Variants in RANBP3L observed in about 807,000 individuals in gnomAD.
RANBP3L encodes the protein ran-binding protein 3-like.
In RANBP3L, 56 loss-of-function variants were observed where a neutral mutation model predicts 67.2. The ratio of observed to expected loss-of-function variants is 0.83; its 90% CI spans 0.67 to 1.04. RANBP3L has a LOEUF of 1.04. RANBP3L is among the 50% of genes least tolerant of loss of function. The probability of loss-of-function intolerance (pLI) is 0.00; values close to 1 mark genes in which losing one functional copy is unlikely to be tolerated. For synonymous variants in RANBP3L, 164 were observed against 181.4 expected, an observed-to-expected ratio of 0.90 and a Z score of 0.77; for missense variants, 496 against 535.5, an observed-to-expected ratio of 0.93 and a Z score of 0.73.
At chr5:36,290,161 A>C (rs1231744362) in intron 1 of RANBP3L, among the ~76,000 whole-genome samples, 1 of 150,500 alleles carries the variant, frequency 6.6e-6, no homozygotes, top group East Asian at 1.9e-4. Context: ...AATCCTTTTA[A>C]TATCTGTAAT....
At chr5:36,292,233 T>A (rs1391361766) in intron 1 of RANBP3L, among the ~76,000 whole-genome samples, 1 of 152,136 alleles carries the variant, frequency 6.6e-6, no homozygotes, top group Non-Finnish European at 1.5e-5. Context: ...CTTCACCCAC[T>A]TTTTGATGGG....
intron 1 of RANBP3L, among the ~76,000 whole-genome samples, chr5:36,299,359 G>GTT (rs1752461221): frequency 6.8e-6 from 1 of 147,274 alleles, no homozygotes; most frequent in Non-Finnish European, 1.5e-5. Context: ...GTGTGTGTGT[G>GTT]TGTGTGTATA....
At chr5:36,297,115 T>C (rs1409021224) in intron 1 of RANBP3L, among the ~76,000 whole-genome samples, 1 of 152,154 alleles carries the variant, frequency 6.6e-6, no homozygotes, top group Non-Finnish European at 1.5e-5. Context: ...AGAATCCTTA[T>C]CAATAACATA....
chr5:36,260,727 A>C (rs1168687601), intron 8 of RANBP3L, 53 bp downstream of exon 8: 3 of 741,338 alleles, frequency 4.0e-6, no homozygotes, highest in Non-Finnish European at 6.7e-6. Context: ...ACCTTTAGAA[A>C]TTTAAAGTGA....
At position 36,249,007 on chromosome 5, in the gene RANBP3L, TATTA is replaced by T. The variant is rs1748430306; in HGVS notation, c.*643_*646del. The T allele has an allele frequency of 1.3e-5, 2 of 152,106 alleles. No individual in the cohort carries two copies. The highest frequency in any genetic ancestry group is 2.9e-5 in the Non-Finnish European group (2 of 67,936). The allele number at this position is 152,106 out of a possible 1,614,324, so 9.4% of individuals were successfully genotyped here. A position where few individuals can be genotyped will look rare whatever the true frequency, so the allele number is the denominator to read the frequency against. On this transcript the variant is annotated 3_prime_UTR_variant, in exon 14 of 14. Coordinates refer to ENST00000296604, the MANE Select transcript of RANBP3L (RefSeq NM_145000.5). Reference sequence around the variant, plus strand: ...CATGCTTTTTGATACATAGGTAATGTATTATATTTTATTTATTCATTTAACAACT... The same window carrying T: ...CATGCTTTTTGATACATAGGTAATGTTATTTTATTTATTCATTTAACAACT...
Position 36,261,972 on chromosome 5 carries a change from G to T in RANBP3L, c.551C>A (p.Thr184Asn). Residue 184 changes from threonine (T) to asparagine (N), a missense_variant, in exon 7 of 14, where the codon ACT (threonine) becomes AAT (asparagine). Coordinates refer to ENST00000296604, the MANE Select transcript of RANBP3L (RefSeq NM_145000.5). ...SRARISVQLS[T>N]NQDFLGATSV... ...TGTTGCACCTAAAAAGTCCTGGTTA[G>T]TAGACAGCTGGACTGAAATTCTAGC... The T allele has an allele frequency of 6.2e-7, 1 of 1,602,284 alleles. No homozygotes were observed. Among genetic ancestry groups the T allele is most frequent in the Non-Finnish European group, 8.5e-7 (1 of 1,170,180 alleles).
intron 1 of RANBP3L, among the ~76,000 whole-genome samples, chr5:36,286,901 G>A (rs1318447593): frequency 6.6e-6 from 1 of 152,092 alleles, no homozygotes; most frequent in East Asian, 1.9e-4. Flanking sequence ...TGAGCACCCT[G>A]CTTAAATCAG....
chr5:36,261,699 A>G (rs983349391), intron 7 of RANBP3L, among the ~76,000 whole-genome samples: 1 of 152,204 alleles, frequency 6.6e-6, no homozygotes, highest in Non-Finnish European at 1.5e-5. Flanking sequence ...TACATTTTCA[A>G]AAAGTTCTCA....
chr5:36,290,834 C>A (rs529368543), intron 1 of RANBP3L, among the ~76,000 whole-genome samples: 1 of 144,206 alleles, frequency 6.9e-6, no homozygotes, highest in Non-Finnish European at 1.5e-5. Flanking sequence ...CGGGTTCAAG[C>A]GATTCTCCTG....
intron 8 of RANBP3L, among the ~76,000 whole-genome samples, chr5:36,259,582 TA>T (rs201276304): frequency 0.043 from 5,979 of 140,098 alleles, 415 homozygotes; most frequent in East Asian, 0.29. Flanking sequence ...GACCTCATCT[TA>T]AAAAAAAAAA....
intron 1 of RANBP3L, among the ~76,000 whole-genome samples, chr5:36,287,664 T>C (rs564369785): frequency 6.6e-6 from 1 of 152,274 alleles, no homozygotes; most frequent in Admixed American, 6.5e-5. Context: ...CAAAAAGAGT[T>C]AGTGTCTCGC....
intron 1 of RANBP3L, among the ~76,000 whole-genome samples, chr5:36,293,884 C>T (rs1317712295): frequency 3.3e-4 from 48 of 146,924 alleles, no homozygotes; most frequent in South Asian, 6.7e-4. Context: ...TGTCTCTGCC[C>T]GGCTTTGGTA....
intron 4 of RANBP3L, chr5:36,268,345 G>T: frequency 4.0e-6 from 4 of 999,104 alleles, no homozygotes; most frequent in Non-Finnish European, 5.7e-6. Context: ...TTGCTGTTTT[G>T]GAAAAATTTC....
Position 36,265,047 on chromosome 5 carries a change from G to T in RANBP3L, c.392C>A (p.Pro131His). 6.2e-6 allele frequency: 10 copies of T among 1,612,880 alleles called. No individual in the cohort carries two copies. The highest frequency in any genetic ancestry group is 8.5e-6 in the Non-Finnish European group (10 of 1,179,070). The change falls in exon 6 of 14, where the codon CCT (proline) becomes CAT (histidine). Residue 131 changes from proline (P) to histidine (H), a missense_variant. Transcript: ENST00000296604. ...TACTTTTGCACAACTTCGAGCTTGA[G>T]GTAGCTGCAAAATAGCAGGTCTAAT... ...HVIRPAILQL[P>H]QARSCAKVRK...
At chr5:36,275,472 A>G (rs1376315569) in intron 1 of RANBP3L, among the ~76,000 whole-genome samples, 3 of 152,212 alleles carry the variant, frequency 2.0e-5, no homozygotes, top group Admixed American at 2.0e-4. Flanking sequence ...AATGTATGAT[A>G]TGTGACATAA....
intron 1 of RANBP3L, among the ~76,000 whole-genome samples, chr5:36,280,178 A>G (rs1750873946): frequency 2.0e-5 from 3 of 152,184 alleles, no homozygotes; most frequent in Admixed American, 2.0e-4. Context: ...ACAATTTTGA[A>G]AAACCAAGAC....
intron 1 of RANBP3L, among the ~76,000 whole-genome samples, chr5:36,298,530 C>T (rs1170674142): frequency 1.3e-5 from 2 of 152,132 alleles, no homozygotes; most frequent in African/African-American, 4.8e-5. Context: ...CTGAACTTCA[C>T]ATAATAGCAA....
chr5:36,300,368 A>T lies in RANBP3L; in HGVS notation c.91+958T>A, dbSNP rs1358267686. Among the ~76,000 whole-genome samples the T allele has an allele frequency of 2.0e-5, 3 of 152,148 alleles. No homozygotes were observed. The East Asian group carries it at 5.8e-4, about 29-fold the overall frequency. On this transcript the variant is annotated intron_variant, in intron 1 of 13. Transcript: ENST00000296604. ...GAAGTCATGTTATACAGCTCCAGGA[A>T]CCGATGCAGAGAGGTGGCCTGACAC...
chr5:36,254,386 CT>C (rs1748816254), intron 11 of RANBP3L, among the ~76,000 whole-genome samples: 1 of 151,926 alleles, frequency 6.6e-6, no homozygotes, highest in Non-Finnish European at 1.5e-5. Flanking sequence ...CTTTAAGTGA[CT>C]TTAAAAAAAA....
Sources: gnomAD v4.1 joint callset for allele counts (sites outside exome capture counted in the v4.1 genomes callset) on GRCh38, gnomAD v4.1.1 for gene constraint, MANE v1.5 for transcripts, NCBI Gene and HGNC (gene_info 2026-07-23, HGNC 2026-07-21) for gene names.